Variants in MAN1A1 observed in about 807,000 individuals in gnomAD.
MAN1A1 encodes mannosyl-oligosaccharide 1,2-alpha-mannosidase IA.
A neutral mutation model predicts 70.8 loss-of-function variants in MAN1A1; 29 were observed. The observed-to-expected ratio is 0.41, with a 90% CI of 0.31 to 0.56. The LOEUF (loss-of-function observed/expected upper bound fraction) is 0.56, where lower values mean the gene tolerates loss of function less well. Among genes scored for constraint, MAN1A1 ranks in the 20% least tolerant of loss-of-function variants. The pLI, the probability that MAN1A1 is intolerant of heterozygous loss-of-function variation, is 0.29. For missense variants in MAN1A1, 747 were observed against 841.3 expected, an observed-to-expected ratio of 0.89 and a Z score of 1.39; for synonymous variants, 349 against 330.1, an observed-to-expected ratio of 1.06 and a Z score of -0.62.
At chr6:119,213,427 A>G (rs955398389) in intron 6 of MAN1A1, among the ~76,000 whole-genome samples, 3 of 152,250 alleles carry the variant, frequency 2.0e-5, no homozygotes, top group Admixed American at 2.0e-4. Context: ...GAAAAAGACA[A>G]AAGAATAAAA....
Position 119,349,683 on chromosome 6 carries a change from T to C in MAN1A1, c.-364A>G. 1.0e-6 allele frequency: 1 copy of C among 985,822 alleles called. No homozygotes were observed. The highest frequency in any genetic ancestry group is 1.2e-6 in the Non-Finnish European group (1 of 830,016). The allele number at this position is 985,822 out of a possible 1,614,324, so 61.1% of individuals were successfully genotyped here. ...TCCCGCAGCCCCGGCGCGGCTCAGG[T>C]GGGCGAGCGCGCCGACCTGCGGGCG... On this transcript the variant is annotated 5_prime_UTR_variant, in exon 1 of 13. Coordinates refer to ENST00000368468, the MANE Select transcript of MAN1A1 (RefSeq NM_005907.4).
chr6:119,185,450 T>C (rs988862202), intron 11 of MAN1A1, among the ~76,000 whole-genome samples: 2 of 152,168 alleles, frequency 1.3e-5, no homozygotes, highest in South Asian at 4.1e-4. Context: ...TGTTAGAAGA[T>C]AGGAAGACGG....
At position 119,346,041 on chromosome 6, in the gene MAN1A1, G is replaced by A. The variant is rs540588587; in HGVS notation, c.603+2422C>T. Among the ~76,000 whole-genome samples the A allele has an allele frequency of 3.3e-5, 5 of 152,228 alleles. No individual in the cohort carries two copies. In the South Asian group the frequency reaches 1.0e-3, roughly 32 times the overall value. ...GAATTGCTTGAACCCAGGAGGCAGA[G>A]GTTGGAGTGAGCTGAGATCACCCCA... On this transcript the variant is annotated intron_variant, in intron 2 of 12. Coordinates refer to ENST00000368468, the MANE Select transcript of MAN1A1 (RefSeq NM_005907.4).
chr6:119,317,946 T>C (rs1046406601), intron 2 of MAN1A1, among the ~76,000 whole-genome samples: 1 of 152,136 alleles, frequency 6.6e-6, no homozygotes, highest in Non-Finnish European at 1.5e-5. Flanking sequence ...TATTAATAAG[T>C]GGAATATCCG....
chr6:119,336,663 T>A (rs1773460321), intron 2 of MAN1A1, among the ~76,000 whole-genome samples: 1 of 152,196 alleles, frequency 6.6e-6, no homozygotes, highest in African/African-American at 2.4e-5. Context: ...TCTCAAAATA[T>A]CACACCTTCT....
At chr6:119,202,040 T>G (rs1047220898) in intron 7 of MAN1A1, among the ~76,000 whole-genome samples, 3 of 152,154 alleles carry the variant, frequency 2.0e-5, no homozygotes, top group African/African-American at 7.2e-5. Context: ...ATGGTACACT[T>G]AGCCATTATT....
At position 119,313,935 on chromosome 6, in the gene MAN1A1, TAAA is replaced by T. The variant is rs371581760; in HGVS notation, c.604-6946_604-6944del. On this transcript the variant is annotated intron_variant, in intron 2 of 12. Coordinates refer to ENST00000368468, the MANE Select transcript of MAN1A1 (RefSeq NM_005907.4). ...AGTCAAGCCCCTCACTAAAGCTATT[TAAA>T]AAAAAAAAAAAAATCAAAACTACGC... Among the ~76,000 whole-genome samples, 861 of 133,870 alleles carry T rather than the reference TAAA, an allele frequency of 6.4e-3. 31 individuals are homozygous for T. In the East Asian group the frequency reaches 0.1, roughly 16 times the overall value. 87.8% of individuals were successfully genotyped at this position (133,870 alleles called of 152,430 possible). A position where few individuals can be genotyped will look rare whatever the true frequency, so the allele number is the denominator to read the frequency against.
Position 119,178,414 on chromosome 6 carries a change from T to C in MAN1A1, c.*1405A>G, listed in dbSNP as rs900669685. 1 of 152,098 alleles carries C rather than the reference T, an allele frequency of 6.6e-6. No individual in the cohort carries two copies. Among genetic ancestry groups the C allele is most frequent in the African/African-American group, 2.4e-5 (1 of 41,454 alleles). The allele number at this position is 152,098 out of a possible 1,614,324, so 9.4% of individuals were successfully genotyped here. ...CGGCTGAAAATTGACATGGTCAAAGTCCTTGCCCTTCAGTATATGCATCGT... is the reference window on the plus strand; with the variant it reads ...CGGCTGAAAATTGACATGGTCAAAGCCCTTGCCCTTCAGTATATGCATCGT... On this transcript the variant is annotated 3_prime_UTR_variant, in exon 13 of 13. Coordinates refer to ENST00000368468, the MANE Select transcript of MAN1A1 (RefSeq NM_005907.4).
intron 4 of MAN1A1, among the ~76,000 whole-genome samples, chr6:119,301,118 C>T (rs1048964462): frequency 6.6e-6 from 1 of 152,170 alleles, no homozygotes; most frequent in Non-Finnish European, 1.5e-5. Flanking sequence ...TTTACAGAAA[C>T]TATCAAATGC....
intron 2 of MAN1A1, among the ~76,000 whole-genome samples, chr6:119,314,010 A>G (rs544294864): frequency 4.3e-4 from 66 of 151,924 alleles, no homozygotes; most frequent in African/African-American, 1.6e-3. Context: ...GTTAGCCCAC[A>G]GCCCAGCAGT....
intron 5 of MAN1A1, among the ~76,000 whole-genome samples, chr6:119,264,477 G>A (rs762233628): frequency 3.3e-5 from 5 of 152,198 alleles, no homozygotes; most frequent in Non-Finnish European, 7.3e-5. Flanking sequence ...TGAATGTGCA[G>A]TTTAACAATC....
intron 5 of MAN1A1, among the ~76,000 whole-genome samples, chr6:119,261,267 C>T (rs563794734): frequency 6.6e-6 from 1 of 152,308 alleles, no homozygotes; most frequent in South Asian, 2.1e-4. Context: ...GCGTGAGCCA[C>T]TGCGCCCCGC....
chr6:119,308,530 T>C (rs1772595474), intron 2 of MAN1A1, among the ~76,000 whole-genome samples: 2 of 152,162 alleles, frequency 1.3e-5, no homozygotes, highest in South Asian at 4.1e-4. Flanking sequence ...TTTGGGATAA[T>C]TCCTTACAGG....
At chr6:119,268,396 A>G (rs1326549536) in intron 5 of MAN1A1, among the ~76,000 whole-genome samples, 1 of 151,262 alleles carries the variant, frequency 6.6e-6, no homozygotes, top group East Asian at 1.9e-4. Context: ...TTCTATACAT[A>G]CTCTTTGTAA....
chr6:119,318,483 G>A (rs141653064), intron 2 of MAN1A1, among the ~76,000 whole-genome samples: 46 of 152,206 alleles, frequency 3.0e-4, no homozygotes, highest in African/African-American at 1.1e-3. Context: ...GGGGAAACTT[G>A]GCTTCCAAAT....
At chr6:119,265,604 A>G (rs1274636486) in intron 5 of MAN1A1, among the ~76,000 whole-genome samples, 1 of 152,184 alleles carries the variant, frequency 6.6e-6, no homozygotes. Context: ...ACCAATGATT[A>G]ATTAGAATCC....
intron 6 of MAN1A1, among the ~76,000 whole-genome samples, chr6:119,231,249 G>A (rs2114281059): frequency 6.6e-6 from 1 of 152,228 alleles, no homozygotes; most frequent in South Asian, 2.1e-4. Context: ...TCAAGGGTGG[G>A]TCCAGGCGGA....
intron 2 of MAN1A1, among the ~76,000 whole-genome samples, chr6:119,329,488 G>T (rs1172183802): frequency 6.6e-6 from 1 of 151,482 alleles, no homozygotes; most frequent in Admixed American, 6.6e-5. Context: ...AAATTAAGTG[G>T]ATTTACATTC....
At chr6:119,191,405 C>T (rs1026193284) in intron 9 of MAN1A1, among the ~76,000 whole-genome samples, 15 of 149,298 alleles carry the variant, frequency 1.0e-4, no homozygotes, top group Non-Finnish European at 3.0e-5. Flanking sequence ...GTTGCTACCT[C>T]CTAATAAAAA....
Sources: gnomAD v4.1 joint callset for allele counts (sites outside exome capture counted in the v4.1 genomes callset) on GRCh38, gnomAD v4.1.1 for gene constraint, MANE v1.5 for transcripts, NCBI Gene and HGNC (gene_info 2026-07-23, HGNC 2026-07-21) for gene names.